GLIS3: variants seen among roughly 807,000 people sequenced by gnomAD.
GLIS3 encodes the protein zinc finger protein GLIS3.
In GLIS3, 53 loss-of-function variants were observed where a neutral mutation model predicts 78.6. The ratio of observed to expected loss-of-function variants is 0.67; its 90% CI spans 0.54 to 0.85. The LOEUF (loss-of-function observed/expected upper bound fraction) is 0.85. GLIS3 is among the 40% of genes least tolerant of loss of function. The pLI, the probability that GLIS3 is intolerant of heterozygous loss-of-function variation, is 0.00. For missense variants in GLIS3, 1,703 were observed against 1,231.1 expected (o/e 1.38, Z -5.74); for synonymous variants, 684 against 509.9 (o/e 1.34, Z -4.60).
At chr9:4,375,203 G>A in the GLIS3 span, among the ~76,000 whole-genome samples, 3 of 152,166 alleles carry the variant, frequency 2.0e-5, no homozygotes, top group African/African-American at 7.2e-5. Flanking sequence ...GTTCAAAAGA[G>A]GTTTGAAGGG....
At chr9:4,399,292 G>A in the GLIS3 span, among the ~76,000 whole-genome samples, 2 of 152,152 alleles carry the variant, frequency 1.3e-5, no homozygotes, top group African/African-American at 4.8e-5. Flanking sequence ...TTATCAACTT[G>A]GGGTAAATAG....
intron 2 of GLIS3, among the ~76,000 whole-genome samples, chr9:4,220,162 G>A (rs893546631): frequency 6.6e-6 from 1 of 152,118 alleles, no homozygotes; most frequent in East Asian, 1.9e-4. Flanking sequence ...ATAATGCAAT[G>A]AAGTAACAGT....
At chr9:4,054,234 G>A (rs1588552310) in intron 4 of GLIS3, 1 of 639,246 alleles carries the variant, frequency 1.6e-6, no homozygotes, top group East Asian at 1.4e-4. Flanking sequence ...AGCTCTGTGA[G>A]GGCAGAGATC....
the GLIS3 span, among the ~76,000 whole-genome samples, chr9:4,422,104 T>C: frequency 6.6e-6 from 1 of 152,236 alleles, no homozygotes; most frequent in Admixed American, 6.5e-5. Flanking sequence ...CCATCACCGC[T>C]CAAGAATTAT....
chr9:4,386,647 T>C, the GLIS3 span: 1 of 152,212 alleles, frequency 6.6e-6, no homozygotes, highest in Non-Finnish European at 1.5e-5. Context: ...TTACAGAATT[T>C]TTGGGAGTTG....
chr9:4,325,070 A>G (rs770044426), intron 2 of GLIS3, among the ~76,000 whole-genome samples: 2 of 152,194 alleles, frequency 1.3e-5, no homozygotes, highest in South Asian at 2.1e-4. Flanking sequence ...CAGAAATTAA[A>G]TAATTTGTCC....
rs186369528 is a variant in GLIS3 at position 4,024,877 on chromosome 9, T to A, written c.1711-87688A>T. Among the ~76,000 whole-genome samples, 11 of 152,298 alleles carry A rather than the reference T, an allele frequency of 7.2e-5. No homozygotes were observed. In the East Asian group the frequency reaches 2.1e-3, roughly 29 times the overall value. ...GGTATCCATCTCCCCTACAGTTCAG[T>A]AATCTCCACAGGGCAGTAATCATGC... On this transcript the variant is annotated intron_variant, in intron 4 of 10. Coordinates refer to ENST00000381971, the MANE Select transcript of GLIS3 (RefSeq NM_001042413.2).
the GLIS3 span, among the ~76,000 whole-genome samples, chr9:4,386,218 T>G: frequency 6.6e-6 from 1 of 152,180 alleles, no homozygotes; most frequent in Non-Finnish European, 1.5e-5. Context: ...AGAAGGAGCT[T>G]TGGTTACTAA....
At chr9:3,996,045 AG>A (rs1820724100) in intron 4 of GLIS3, among the ~76,000 whole-genome samples, 2 of 152,156 alleles carry the variant, frequency 1.3e-5, no homozygotes, top group Admixed American at 1.3e-4. Flanking sequence ...GCAGCCTAAA[AG>A]AAAAGTCAGA....
chr9:4,053,965 AGCCTC>A (rs1588551682), intron 4 of GLIS3, among the ~76,000 whole-genome samples: 1 of 152,214 alleles, frequency 6.6e-6, no homozygotes, highest in Non-Finnish European at 1.5e-5. Context: ...ATCAAATAAA[AGCCTC>A]CAAGAATTTA....
chr9:4,330,837 C>G (rs1817674570), intron 2 of GLIS3, among the ~76,000 whole-genome samples: 1 of 152,100 alleles, frequency 6.6e-6, no homozygotes, highest in African/African-American at 2.4e-5. Context: ...TCATCCACCA[C>G]CAGCACCAGG....
In GLIS3 at chr9:4,219,981, G is replaced by C. The variant is rs1300451910; in HGVS notation, c.388+66057C>G. Among the ~76,000 whole-genome samples the C allele has an allele frequency of 2.0e-5, 3 of 152,292 alleles. No individual in the cohort carries two copies. The East Asian group carries it at 5.8e-4, about 29-fold the overall frequency. On this transcript the variant is annotated intron_variant, in intron 2 of 10. Transcript: ENST00000381971. ...TGGAAATGGCTGATTCCAGAGCTAA[G>C]GCAAGAAAGCAGTGGATGAGCTCAG...
chr9:4,346,000 C>T (rs1238410221), intron 2 of GLIS3, among the ~76,000 whole-genome samples: 1 of 152,128 alleles, frequency 6.6e-6, no homozygotes, highest in Non-Finnish European at 1.5e-5. Context: ...GATTCTAATA[C>T]ACTTTTTTCA....
At chr9:4,021,996 T>C (rs970054326) in intron 4 of GLIS3, among the ~76,000 whole-genome samples, 1 of 152,190 alleles carries the variant, frequency 6.6e-6, no homozygotes, top group Non-Finnish European at 1.5e-5. Context: ...GTTTGTTTGT[T>C]TTTAGTCTCC....
At chr9:3,921,998 C>G (rs983081676) in intron 6 of GLIS3, among the ~76,000 whole-genome samples, 1 of 151,474 alleles carries the variant, frequency 6.6e-6, no homozygotes, top group Non-Finnish European at 1.5e-5. Flanking sequence ...TTATATAGTC[C>G]TAACAGAAAT....
chr9:3,965,081 A>G (rs1185555285), intron 4 of GLIS3, among the ~76,000 whole-genome samples: 2 of 152,150 alleles, frequency 1.3e-5, no homozygotes, highest in Admixed American at 6.5e-5. Context: ...CTTGAAAATG[A>G]AAATAAGAAA....
At position 4,186,920 on chromosome 9, in the gene GLIS3, G is replaced by A. The variant is rs1481147132; in HGVS notation, c.389-60979C>T. 2.6e-5 allele frequency among the ~76,000 whole-genome samples: 4 copies of A among 152,058 alleles called. No individual in the cohort carries two copies. In the East Asian group the frequency reaches 7.7e-4, roughly 29 times the overall value. On this transcript the variant is annotated intron_variant, in intron 2 of 10. Coordinates refer to ENST00000381971, the MANE Select transcript of GLIS3 (RefSeq NM_001042413.2). ...GCCCTATGTCAGATGAGTAGGTTGG[G>A]AAAATTTTCTCCCATTCTGTAGGTT...
intron 2 of GLIS3, among the ~76,000 whole-genome samples, chr9:4,331,890 A>C (rs920386130): frequency 9.9e-5 from 15 of 152,202 alleles, no homozygotes. Flanking sequence ...TTACAGGAAC[A>C]AAAAGAAATT....
chr9:4,248,411 C>T (rs1481628515), intron 2 of GLIS3, among the ~76,000 whole-genome samples: 1 of 152,146 alleles, frequency 6.6e-6, no homozygotes, highest in Non-Finnish European at 1.5e-5. Flanking sequence ...CTGTAAAGGA[C>T]ATGAACTCAA....
Sources: gnomAD v4.1 joint callset for allele counts (sites outside exome capture counted in the v4.1 genomes callset) on GRCh38, gnomAD v4.1.1 for gene constraint, MANE v1.5 for transcripts, NCBI Gene and HGNC (gene_info 2026-07-23, HGNC 2026-07-21) for gene names.